Variants in CPVL observed in about 807,000 individuals in gnomAD.
CPVL encodes the protein carboxypeptidase vitellogenic like, also known as probable serine carboxypeptidase CPVL.
A neutral mutation model predicts 63.7 loss-of-function variants in CPVL; 51 were observed. The observed-to-expected ratio is 0.80, with a 90% CI of 0.64 to 1.01. The LOEUF (loss-of-function observed/expected upper bound fraction) is 1.01. Ranked by LOEUF, CPVL falls within the 50% of genes least tolerant of loss-of-function variation. The pLI, the probability that CPVL is intolerant of heterozygous loss-of-function variation, is 0.00. For synonymous variants in CPVL, 195 were observed against 206.0 expected (o/e 0.95, Z 0.46); for missense variants, 530 against 573.1 (o/e 0.92, Z 0.77).
chr7:29,143,571 T>G (rs1172925286), intron 1 of CPVL, among the ~76,000 whole-genome samples: 2 of 152,162 alleles, frequency 1.3e-5, no homozygotes, highest in Non-Finnish European at 2.9e-5. Flanking sequence ...ACTATCTTTT[T>G]GAAAGAGGGG....
At chr7:29,086,775 T>G (rs1785244609) in intron 6 of CPVL, among the ~76,000 whole-genome samples, 1 of 152,232 alleles carries the variant, frequency 6.6e-6, no homozygotes, top group Non-Finnish European at 1.5e-5. Flanking sequence ...TCTGGGCATG[T>G]TTCCAAATTA....
At chr7:29,127,586 A>G (rs1790169600) in intron 1 of CPVL, 1 of 152,210 alleles carries the variant, frequency 6.6e-6, no homozygotes, top group Non-Finnish European at 1.5e-5. Context: ...CACAGTGAGT[A>G]TTTTAAACAG....
At chr7:29,067,322 G>C (rs1324122213) in intron 9 of CPVL, among the ~76,000 whole-genome samples, 1 of 152,156 alleles carries the variant, frequency 6.6e-6, no homozygotes, top group Non-Finnish European at 1.5e-5. Context: ...CAGGGAGGAA[G>C]GAGCTCAGCT....
chr7:29,024,022 A>G (rs1435447052), intron 12 of CPVL, among the ~76,000 whole-genome samples: 1 of 152,216 alleles, frequency 6.6e-6, no homozygotes, highest in Non-Finnish European at 1.5e-5. Flanking sequence ...TATCTGGTAA[A>G]GATTTCATAA....
intron 12 of CPVL, 150 bp downstream of exon 12, chr7:29,030,427 C>G (rs1463096810): frequency 9.5e-6 from 7 of 739,056 alleles, no homozygotes; most frequent in Non-Finnish European, 1.1e-5. Flanking sequence ...TCAGACCACT[C>G]TTCTCTGTGG....
intron 3 of CPVL, among the ~76,000 whole-genome samples, chr7:29,107,974 G>C (rs371310643): frequency 1.1e-4 from 17 of 152,324 alleles, no homozygotes; most frequent in African/African-American, 3.6e-4. Context: ...TTTGGACCAG[G>C]AGCATTAGAG....
chr7:29,141,760 T>C (rs958134430), intron 1 of CPVL, among the ~76,000 whole-genome samples: 1 of 149,692 alleles, frequency 6.7e-6, no homozygotes, highest in Non-Finnish European at 1.5e-5. Context: ...ACTAAACATA[T>C]AAAAATTAGC....
intron 1 of CPVL, among the ~76,000 whole-genome samples, chr7:29,135,535 T>C (rs1012942506): frequency 1.3e-5 from 2 of 152,110 alleles, no homozygotes; most frequent in African/African-American, 4.8e-5. Flanking sequence ...GGTTTCACCA[T>C]GTTGATCAGG....
chr7:29,086,363 T>C, intron 7 of CPVL, 121 bp downstream of exon 7: 1 of 612,492 alleles, frequency 1.6e-6, no homozygotes, highest in Non-Finnish European at 2.9e-6. Flanking sequence ...GCTGAATCAA[T>C]ATTGATATGT....
At chr7:29,104,105 C>T (rs1202587413) in intron 3 of CPVL, among the ~76,000 whole-genome samples, 5 of 152,218 alleles carry the variant, frequency 3.3e-5, no homozygotes, top group Non-Finnish European at 7.3e-5. Flanking sequence ...ATTCTACACA[C>T]ACACACTCAA....
At chr7:28,998,170 G>A (rs1300925333) in intron 12 of CPVL, among the ~76,000 whole-genome samples, 3 of 152,166 alleles carry the variant, frequency 2.0e-5, no homozygotes. Context: ...CATATCTTTG[G>A]CCCTGGCAGG....
intron 11 of CPVL, among the ~76,000 whole-genome samples, chr7:29,033,691 C>T (rs922331672): frequency 1.3e-5 from 2 of 152,206 alleles, no homozygotes; most frequent in Admixed American, 1.3e-4. Context: ...GTGATTGGAA[C>T]AAAACAAGGA....
intron 1 of CPVL, among the ~76,000 whole-genome samples, chr7:29,131,083 A>G (rs1276837520): frequency 6.6e-6 from 1 of 152,098 alleles, no homozygotes; most frequent in African/African-American, 2.4e-5. Context: ...CTCCTTTTGA[A>G]TGGTGTGAAC....
At chr7:29,129,710 GC>G (rs1790480207) in intron 1 of CPVL, among the ~76,000 whole-genome samples, 1 of 152,020 alleles carries the variant, frequency 6.6e-6, no homozygotes, top group African/African-American at 2.4e-5. Context: ...CTTGTGAACT[GC>G]CCACCTCGGC....
intron 12 of CPVL, among the ~76,000 whole-genome samples, chr7:29,004,980 T>A (rs1239565544): frequency 1.3e-5 from 2 of 150,188 alleles, no homozygotes; most frequent in Non-Finnish European, 2.9e-5. Flanking sequence ...CCCTGCAGCC[T>A]CTGCTTGCTG....
At chr7:29,190,936 CT>C (rs796284400) in intron 1 of CPVL, among the ~76,000 whole-genome samples, 342 of 144,386 alleles carry the variant, frequency 2.4e-3, no homozygotes, top group African/African-American at 4.4e-3. Context: ...CCCCACCATG[CT>C]TTTTTTTTTT....
At chr7:29,107,034 GTACCCAC>G (rs1193465707) in intron 3 of CPVL, among the ~76,000 whole-genome samples, 2 of 152,176 alleles carry the variant, frequency 1.3e-5, no homozygotes, top group African/African-American at 4.8e-5. Flanking sequence ...TCCAAGGTTG[GTACCCAC>G]TGGAGGGTGG....
At chr7:29,087,316 C>G (rs975453887) in intron 6 of CPVL, among the ~76,000 whole-genome samples, 16 of 149,508 alleles carry the variant, frequency 1.1e-4, no homozygotes, top group Admixed American at 2.0e-4. Context: ...CCCAGCTACT[C>G]AGGAGGCTGA....
At chr7:29,146,811 T>A, upstream of CPVL, 1 of 1,550,312 alleles carries the variant, frequency 6.5e-7, no homozygotes, top group Admixed American at 2.0e-5. Flanking sequence ...TATCTTAAAA[T>A]TTCAACCCTG....
Sources: gnomAD v4.1 joint callset for allele counts (sites outside exome capture counted in the v4.1 genomes callset) on GRCh38, gnomAD v4.1.1 for gene constraint, MANE v1.5 for transcripts, NCBI Gene and HGNC (gene_info 2026-07-23, HGNC 2026-07-21) for gene names.